PRR36: variants seen among roughly 807,000 people sequenced by gnomAD.
The protein encoded by PRR36 is proline-rich protein 36.
Under a neutral mutation model 58.6 loss-of-function variants are expected in PRR36, and 30 were observed. The observed-to-expected ratio is 0.51, with a 90% CI of 0.38 to 0.69. The LOEUF (loss-of-function observed/expected upper bound fraction) is 0.69. PRR36 is among the 30% of genes least tolerant of loss of function. The pLI is 0.00. For missense variants in PRR36, 1,692 were observed against 1,805.6 expected (o/e 0.94, Z 1.14); for synonymous variants, 771 against 829.3 (o/e 0.93, Z 1.21).
Position 7,872,729 on chromosome 19 carries a change from G to C in PRR36, c.515C>G (p.Pro172Arg). 6.9e-7 allele frequency: 1 copy of C among 1,449,116 alleles called. No homozygotes were observed. Among genetic ancestry groups the C allele is most frequent in the Non-Finnish European group, 9.0e-7 (1 of 1,105,198 alleles). 89.8% of individuals were successfully genotyped at this position (1,449,116 alleles called of 1,614,324 possible). A position where few individuals can be genotyped will look rare whatever the true frequency, so the allele number is the denominator to read the frequency against. Residue 172 changes from proline (P) to arginine (R), a missense_variant, in exon 5 of 6, where the codon CCG becomes CGG. Physicochemically the swap from Pro to Arg is moderately radical, Grantham distance 103. Around this residue, in one of 5 missense-constraint regions of PRR36, gnomAD observed 975 missense variants for 955.2 expected, o/e 1.02. Transcript: ENST00000618550. This position sits in a 1 kb window ranked among gnomAD's most constrained non-coding sequence, Gnocchi z 6.1. ...RDTSGPTPGT[P>R]SPAMARRSRA... ...GGACCGACGGGCCATGGCCGGGGAC[G>C]GGGTTCCTGGGGTAGGCCCGGAAGT...
At position 7,872,047 on chromosome 19, in the gene PRR36, G is replaced by A. The variant is rs1439722705; in HGVS notation, c.1197C>T (p.Pro399=). The change falls in exon 5 of 6, where the codon CCC becomes CCT. Residue 399 remains proline, a synonymous_variant. Transcript: ENST00000618550. This position sits in a 1 kb window ranked among gnomAD's most constrained non-coding sequence, Gnocchi z 6.1. ...PPATPPSQVP[P]TQLIMSFPEA... The stretch of plus-strand genomic sequence containing the variant: ...CTGGAAAGGACATAATCAGCTGTGT[G>A]GGTGGAACTTGCGAGGGGGGCGTGG... The A allele has an allele frequency of 2.0e-6, 3 of 1,535,452 alleles. No homozygotes were observed. The highest frequency in any genetic ancestry group is 2.4e-5 in the South Asian group (2 of 84,028).
rs1348065864 is a variant in PRR36 at position 7,873,428 on chromosome 19, G to C, written c.262C>G (p.Arg88Gly). 23 of 1,530,592 alleles carry C rather than the reference G, an allele frequency of 1.5e-5. No individual in the cohort carries two copies. The South Asian group carries it at 1.7e-4, about 11-fold the overall frequency. The allele number at this position is 1,530,592 out of a possible 1,614,324, so 94.8% of individuals were successfully genotyped here. A position where few individuals can be genotyped will look rare whatever the true frequency, so the allele number is the denominator to read the frequency against. ...AAGGAGGCTGGGGTACCAGGGTTTC[G>C]GGAACTTGTCCCAGCACTCCGCGTT... ...GPTRSAGTSSRNPASRPPASG... is the reference protein window; with the variant it reads ...GPTRSAGTSSGNPASRPPASG... The change falls in exon 2 of 6, where the codon CGA becomes GGA. Residue 88 changes from arginine to glycine, a missense_variant. Transcript: ENST00000618550. The surrounding 1 kb of genome is among the most constrained non-coding windows in gnomAD (Gnocchi z 5.0).
At position 7,868,948 on chromosome 19, in the gene PRR36, A is replaced by C; in HGVS notation, c.*85T>G. ...ACCCAGCGGGGCTCCAGGGCAGTGG[A>C]GGCGGGGTCTAAAACAAACGGCGTA... On this transcript the variant is annotated 3_prime_UTR_variant, in exon 6 of 6. Coordinates refer to ENST00000618550, the MANE Select transcript of PRR36 (RefSeq NM_001190467.2). The C allele has an allele frequency of 1.4e-6, 2 of 1,387,670 alleles. No individual in the cohort carries two copies. Among genetic ancestry groups the C allele is most frequent in the Non-Finnish European group, 1.9e-6 (2 of 1,052,308 alleles). The allele number at this position is 1,387,670 out of a possible 1,614,324, so 86.0% of individuals were successfully genotyped here. A position where few individuals can be genotyped will look rare whatever the true frequency, so the allele number is the denominator to read the frequency against.
In PRR36 at chr19:7,869,007, T is replaced by C. The variant is rs1203847709; in HGVS notation, c.*26A>G. 6.8e-7 allele frequency: 1 copy of C among 1,480,050 alleles called. No individual in the cohort carries two copies. The highest frequency in any genetic ancestry group is 9.0e-7 in the Non-Finnish European group (1 of 1,116,644). 91.7% of individuals were successfully genotyped at this position (1,480,050 alleles called of 1,614,324 possible). On this transcript the variant is annotated 3_prime_UTR_variant, in exon 6 of 6. Coordinates refer to ENST00000618550, the MANE Select transcript of PRR36 (RefSeq NM_001190467.2). ...GGCGGATCCTAAGGCAGGGGTGGGG[T>C]GTAGCAGGCGGGGCTGTGGTCTGGC...
Position 7,869,190 on chromosome 19 carries a change from G to A in PRR36, c.3884C>T (p.Ala1295Val), listed in dbSNP as rs199626263. 2,109 of 1,533,058 alleles carry A rather than the reference G, an allele frequency of 1.4e-3. 45 individuals are homozygous for A. In the East Asian group the frequency reaches 0.042, roughly 30 times the overall value. The allele number at this position is 1,533,058 out of a possible 1,614,324, so 95.0% of individuals were successfully genotyped here. Residue 1295 changes from alanine (A) to valine (V), a missense_variant, in exon 6 of 6, where the codon GCT (alanine) becomes GTT (valine). Ala to Val is a moderately conservative substitution (Grantham distance 64). Coordinates refer to ENST00000618550, the MANE Select transcript of PRR36 (RefSeq NM_001190467.2). The part of the protein sequence containing the change: ...EGGGVTGGAR[A>V]ALSDAELGRW... ...GCCGAGTTCGGCGTCGCTGAGTGCA[G>A]CCCGGGCGCCCCCTGTGACGCCACC...
chr19:7,871,463 A>G lies in PRR36; in HGVS notation c.1781T>C (p.Leu594Pro). ...TIPPIQVPHS[L>P]TSPSLQAPPS... The stretch of plus-strand genomic sequence containing the variant: ...AGGTGCCTGCAGAGACGGTGAGGTC[A>G]GAGAATGTGGGACCTGTATTGGGGG... Residue 594 changes from leucine to proline, a missense_variant, in exon 5 of 6, where the codon CTG (leucine) becomes CCG (proline). Physicochemically the swap from Leu to Pro is moderately conservative, Grantham distance 98. Around this residue, in one of 5 missense-constraint regions of PRR36, gnomAD observed 975 missense variants for 955.2 expected, o/e 1.02. Coordinates refer to ENST00000618550, the MANE Select transcript of PRR36 (RefSeq NM_001190467.2). The G allele has an allele frequency of 6.5e-7, 1 of 1,534,990 alleles. No homozygotes were observed. The highest frequency in any genetic ancestry group is 1.2e-5 in the South Asian group (1 of 84,028).
Position 7,873,590 on chromosome 19 carries a change from G to A in PRR36, c.100C>T (p.Arg34Ter), listed in dbSNP as rs1196093269. ...LLTPRPPGSP[R>*]PPPPVTPAAL... ...GCGGGAGTTACTGGGGGAGGGGGTC[G>A]AGGAGAGCCTGGGGGCCTGGGGGTC... Residue 34 changes from arginine (R) to a stop codon, truncating the protein, a stop_gained, in exon 2 of 6, where the codon CGA becomes TGA. Coordinates refer to ENST00000618550, the MANE Select transcript of PRR36 (RefSeq NM_001190467.2). LOFTEE classifies it high-confidence loss of function. The surrounding 1 kb of genome is among the most constrained non-coding windows in gnomAD (Gnocchi z 5.0). 4 of 1,534,376 alleles carry A rather than the reference G, an allele frequency of 2.6e-6. No homozygotes were observed. Among genetic ancestry groups the A allele is most frequent in the African/African-American group, 2.7e-5 (2 of 72,814 alleles).
Position 7,871,292 on chromosome 19 carries a change from G to A in PRR36, c.1952C>T (p.Pro651Leu). Residue 651 changes from proline to leucine, a missense_variant, in exon 5 of 6, where the codon CCT (proline) becomes CTT (leucine). Transcript: ENST00000618550. ...AGGGGCCTGCAGAGGGGGTGAATCA[G>A]GGGGAGTAGAGGCCGGCCGAGAAGG... ...ISPSRPASTPPDSPPLQAPLS... is the reference protein window; with the variant it reads ...ISPSRPASTPLDSPPLQAPLS... 6.6e-7 allele frequency: 1 copy of A among 1,526,362 alleles called. No individual in the cohort carries two copies. Among genetic ancestry groups the A allele is most frequent in the South Asian group, 1.2e-5 (1 of 83,304 alleles). 94.6% of individuals were successfully genotyped at this position (1,526,362 alleles called of 1,614,324 possible).
At position 7,872,060 on chromosome 19, in the gene PRR36, G is replaced by C. The variant is rs920650716; in HGVS notation, c.1184C>G (p.Ser395Trp). The C allele has an allele frequency of 5.9e-6, 9 of 1,535,586 alleles. No individual in the cohort carries two copies. The highest frequency in any genetic ancestry group is 7.8e-6 in the Non-Finnish European group (9 of 1,146,778). Residue 395 changes from serine (S) to tryptophan (W), a missense_variant, in exon 5 of 6, where the codon TCG (serine) becomes TGG (tryptophan). By Grantham distance (177) the Ser-to-Trp change is radical (BLOSUM62 -3). Transcript: ENST00000618550. This position sits in a 1 kb window ranked among gnomAD's most constrained non-coding sequence, Gnocchi z 6.1. ...AATCAGCTGTGTGGGTGGAACTTGC[G>C]AGGGGGGCGTGGCTGGTGGAGAGGG... ...TLPSPPATPP[S>W]QVPPTQLIMS...
rs73500088 is a variant in PRR36 at position 7,870,291 on chromosome 19, C to A, written c.2953G>T (p.Ala985Ser). 8 of 1,089,562 alleles carry A rather than the reference C, an allele frequency of 7.3e-6. No homozygotes were observed. The highest frequency in any genetic ancestry group is 2.6e-5 in the African/African-American group (1 of 38,982). 67.5% of individuals were successfully genotyped at this position (1,089,562 alleles called of 1,614,324 possible). A position where few individuals can be genotyped will look rare whatever the true frequency, so the allele number is the denominator to read the frequency against. The part of the protein sequence containing the change: ...PPPRVPPLLA[A>S]PPLQVPPSPP... ...GAGGGCGGGACCTGCAGAGGAGGAG[C>A]GGCAAGAAGGGGTGGGACCCGTGGA... The change falls in exon 5 of 6, where the codon GCT (alanine) becomes TCT (serine). Residue 985 changes from alanine to serine, a missense_variant. Physicochemically the swap from Ala to Ser is moderately conservative, Grantham distance 99. Around this residue, in one of 5 missense-constraint regions of PRR36, gnomAD observed 485 missense variants for 549.2 expected, o/e 0.88. Transcript: ENST00000618550.
Position 7,868,857 on chromosome 19 carries a change from A to G in PRR36, c.*176T>C. The stretch of plus-strand genomic sequence containing the variant: ...GAGCTCGAGGGGCGGGCCTAGGTCA[A>G]AGCTGTGGGTAGGTCCCGAGCCTCC... On this transcript the variant is annotated 3_prime_UTR_variant, in exon 6 of 6. Transcript: ENST00000618550. 2 of 694,978 alleles carry G rather than the reference A, an allele frequency of 2.9e-6. No homozygotes were observed. The highest frequency in any genetic ancestry group is 4.4e-6 in the Non-Finnish European group (2 of 451,448). The allele number at this position is 694,978 out of a possible 1,614,324, so 43.1% of individuals were successfully genotyped here. A position where few individuals can be genotyped will look rare whatever the true frequency, so the allele number is the denominator to read the frequency against.
rs1009823971 is a variant in PRR36 at position 7,873,515 on chromosome 19, C to T, written c.175G>A (p.Ala59Thr). The change falls in exon 2 of 6, where the codon GCA (alanine) becomes ACA (threonine). Residue 59 changes from alanine to threonine, a missense_variant. Physicochemically the swap from Ala to Thr is moderately conservative, Grantham distance 58. This residue lies in a region of PRR36 where 975 missense variants were observed against 955.2 expected (regional missense o/e 1.02). Transcript: ENST00000618550. The surrounding 1 kb of genome is among the most constrained non-coding windows in gnomAD (Gnocchi z 5.0). The stretch of plus-strand genomic sequence containing the variant: ...CCGCCGATGCCCCCCGCTCGCTCTG[C>T]CAGAGGCTTTCGCCCCACTGCTCCC... Reference protein sequence around the residue: ...AAGAVGRKPLAERAGGIGGAT... With the variant: ...AAGAVGRKPLTERAGGIGGAT... 19 of 1,535,350 alleles carry T rather than the reference C, an allele frequency of 1.2e-5. No homozygotes were observed. Among genetic ancestry groups the T allele is most frequent in the South Asian group, 3.6e-5 (3 of 84,046 alleles).
In PRR36 at chr19:7,871,496, T is replaced by C. The variant is rs1474648619; in HGVS notation, c.1748A>G (p.Gln583Arg). ...TPPMQAPPSL[Q>R]TIPPIQVPHS... is the part of the protein sequence containing the mutation. ...TGGGACCTGTATTGGGGGAATGGTC[T>C]GGAGAGAGGGCGGGGCCTGCATAGG... The change falls in exon 5 of 6, where the codon CAG becomes CGG. Residue 583 changes from glutamine (Q) to arginine (R), a missense_variant. By Grantham distance (43) the Gln-to-Arg change is conservative (BLOSUM62 1). Coordinates refer to ENST00000618550, the MANE Select transcript of PRR36 (RefSeq NM_001190467.2). 1 of 1,514,020 alleles carries C rather than the reference T, an allele frequency of 6.6e-7. No homozygotes were observed. The highest frequency in any genetic ancestry group is 1.2e-5 in the South Asian group (1 of 83,368). 93.8% of individuals were successfully genotyped at this position (1,514,020 alleles called of 1,614,324 possible).
chr19:7,871,647 C>A lies in PRR36; in HGVS notation c.1597G>T (p.Ala533Ser), dbSNP rs1980452221. 3.9e-6 allele frequency: 6 copies of A among 1,535,980 alleles called. No homozygotes were observed. In the South Asian group the frequency reaches 7.1e-5, roughly 18 times the overall value. Residue 533 changes from alanine (A) to serine (S), a missense_variant, in exon 5 of 6, where the codon GCC (alanine) becomes TCC (serine). Ala to Ser is a moderately conservative substitution (Grantham distance 99, BLOSUM62 1). Transcript: ENST00000618550. ...SPLLATLPLQ[A>S]SPSPLTTVSL... ...ACTGTGGTCAAAGGAGAGGGAGAGG[C>A]CTGCAGAGGCAATGTGGCCAGAAGA...
Position 7,872,948 on chromosome 19 carries a change from C to G in PRR36, c.388G>C (p.Gly130Arg), listed in dbSNP as rs755917467. 1 of 1,535,984 alleles carries G rather than the reference C, an allele frequency of 6.5e-7. No individual in the cohort carries two copies. Among genetic ancestry groups the G allele is most frequent in the South Asian group, 1.2e-5 (1 of 84,050 alleles). ...ASGTTRPGPL[G>R]QKGLRISAEE... ...GCTGAGATCCGGAGTCCCTTCTGGC[C>G]AAGAGGGCCTGGCCTGGAGACAGAA... The change falls in exon 4 of 6, where the codon GGC (glycine) becomes CGC (arginine). Residue 130 changes from glycine to arginine, a missense_variant. Gly to Arg is a moderately radical substitution (Grantham distance 125). Transcript: ENST00000618550. The surrounding 1 kb of genome is among the most constrained non-coding windows in gnomAD (Gnocchi z 6.1).
rs757576741 is a variant in PRR36 at position 7,872,014 on chromosome 19, G to T, written c.1230C>A (p.Gly410=). Reference sequence around the variant, plus strand: ...AAGCGGCTGTGGCCAGGGAAGAGACGCCTGCTTCTGGAAAGGACATAATCA... The same window carrying T: ...AAGCGGCTGTGGCCAGGGAAGAGACTCCTGCTTCTGGAAAGGACATAATCA... ...TQLIMSFPEA[G]VSSLATAAFV... The change falls in exon 5 of 6, where the codon GGC becomes GGA. Residue 410 remains glycine (G), a synonymous_variant. Coordinates refer to ENST00000618550, the MANE Select transcript of PRR36 (RefSeq NM_001190467.2). This position sits in a 1 kb window ranked among gnomAD's most constrained non-coding sequence, Gnocchi z 6.1. The T allele has an allele frequency of 2.0e-6, 3 of 1,535,538 alleles. No individual in the cohort carries two copies. Among genetic ancestry groups the T allele is most frequent in the South Asian group, 2.4e-5 (2 of 84,044 alleles).
chr19:7,869,802 G>C lies in PRR36; in HGVS notation c.3442C>G (p.Pro1148Ala). The part of the protein sequence containing the change: ...SGPEGGAAAS[P>A]PPDAELAACH... ...GCGGCGAGCTCTGCGTCGGGGGGCG[G>C]GGAGGCTGCGGCACCGCCCTCGGGC... is the stretch of plus-strand genomic sequence containing the variant. Residue 1148 changes from proline to alanine, a missense_variant, in exon 5 of 6, where the codon CCG becomes GCG. Coordinates refer to ENST00000618550, the MANE Select transcript of PRR36 (RefSeq NM_001190467.2). The C allele has an allele frequency of 1.5e-6, 2 of 1,356,034 alleles. No homozygotes were observed. 84.0% of individuals were successfully genotyped at this position (1,356,034 alleles called of 1,614,324 possible).
In PRR36 at chr19:7,871,860, A is replaced by C; in HGVS notation, c.1384T>G (p.Ser462Ala). 6.5e-7 allele frequency: 1 copy of C among 1,535,760 alleles called. No homozygotes were observed. The highest frequency in any genetic ancestry group is 8.7e-7 in the Non-Finnish European group (1 of 1,146,830). The change falls in exon 5 of 6, where the codon TCT (serine) becomes GCT (alanine). Residue 462 changes from serine to alanine, a missense_variant. By Grantham distance (99) the Ser-to-Ala change is moderately conservative. Transcript: ENST00000618550. Reference protein sequence around the residue: ...PLATPPLSAMSPLQGPVSPAT... With the variant: ...PLATPPLSAMAPLQGPVSPAT... ...GGAGAAACAGGGCCTTGTAGAGGAG[A>C]CATGGCTGACAGAGGAGGTGTGGCC... is the stretch of plus-strand genomic sequence containing the variant.
chr19:7,871,191 T>A lies in PRR36; in HGVS notation c.2053A>T (p.Ile685Leu). Reference sequence around the variant, plus strand: ...GAAGATAGCGCCTGCAGAGGGTGTATGGTCAGGGGTGAGCTTAGGGGTGAG... The same window carrying A: ...GAAGATAGCGCCTGCAGAGGGTGTAAGGTCAGGGGTGAGCTTAGGGGTGAG... ...AVSPLSSPLT[I>L]HPLQALSSLA... The change falls in exon 5 of 6, where the codon ATA becomes TTA. Residue 685 changes from isoleucine to leucine, a missense_variant. By Grantham distance (5) the Ile-to-Leu change is conservative. Coordinates refer to ENST00000618550, the MANE Select transcript of PRR36 (RefSeq NM_001190467.2). 6.6e-7 allele frequency: 1 copy of A among 1,517,820 alleles called. No homozygotes were observed. The highest frequency in any genetic ancestry group is 8.7e-7 in the Non-Finnish European group (1 of 1,143,214). The allele number at this position is 1,517,820 out of a possible 1,614,324, so 94.0% of individuals were successfully genotyped here. A position where few individuals can be genotyped will look rare whatever the true frequency, so the allele number is the denominator to read the frequency against.
Sources: gnomAD v4.1 joint callset for allele counts on GRCh38, gnomAD v4.1.1 for gene constraint, gnomAD v4.1.1 regional missense constraint, Gnocchi (gnomAD v3.1) non-coding constraint, MANE v1.5 for transcripts, NCBI Gene and HGNC (gene_info 2026-07-23, HGNC 2026-07-21) for gene names.